Variants in NCKAP5 observed in about 807,000 individuals in gnomAD.
NCKAP5 encodes the protein nck-associated protein 5.
NCKAP5 carries 92 observed loss-of-function variants against 167.0 expected under a neutral mutation model. That is an observed-to-expected ratio of 0.55 (90% CI 0.47 to 0.66). NCKAP5 has a LOEUF of 0.66. Among genes scored for constraint, NCKAP5 ranks in the 30% least tolerant of loss-of-function variants. The probability of loss-of-function intolerance (pLI) is 0.00; values close to 1 mark genes in which losing one functional copy is unlikely to be tolerated. For missense variants in NCKAP5, 2,378 were observed against 2,315.0 expected (o/e 1.03, Z -0.56); for synonymous variants, 891 against 877.4 (o/e 1.02, Z -0.27).
intron 11 of NCKAP5, among the ~76,000 whole-genome samples, chr2:132,846,111 C>T (rs13016364): frequency 0.08 from 12,117 of 152,020 alleles, 944 homozygotes; most frequent in African/African-American, 0.19. Flanking sequence ...TCGGCTCTTG[C>T]GTGTTTTTCT....
intron 3 of NCKAP5, among the ~76,000 whole-genome samples, chr2:133,469,631 A>G (rs1692888494): frequency 6.6e-6 from 1 of 152,098 alleles, no homozygotes; most frequent in African/African-American, 2.4e-5. Context: ...CATTCTCCCC[A>G]TCACTTTCAG....
In NCKAP5 at chr2:133,557,148, G is replaced by T. The variant is rs1270143799; in HGVS notation, c.-62+1902C>A. ...TTTGGTGCTGATAATGCTCCTGGCC[G>T]ATAGCTTGTCTTTCCAAAACAAATA... On this transcript the variant is annotated intron_variant, in intron 2 of 19. Coordinates refer to ENST00000409261, the MANE Select transcript of NCKAP5 (RefSeq NM_207363.3). Among the ~76,000 whole-genome samples the T allele has an allele frequency of 2.0e-5, 3 of 152,140 alleles. No homozygotes were observed. In the South Asian group the frequency reaches 6.2e-4, roughly 32 times the overall value.
At chr2:132,852,538 GT>G (rs1468692930) in intron 11 of NCKAP5, among the ~76,000 whole-genome samples, 1 of 152,168 alleles carries the variant, frequency 6.6e-6, no homozygotes, top group East Asian at 1.9e-4. Context: ...ACTCCTGGAG[GT>G]TATTGTTTTC....
intron 10 of NCKAP5, among the ~76,000 whole-genome samples, chr2:132,863,115 C>G (rs566596261): frequency 1.3e-5 from 2 of 152,120 alleles, no homozygotes; most frequent in Non-Finnish European, 2.9e-5. Context: ...CCACCATGCC[C>G]GGCAAAACTT....
In NCKAP5 at chr2:132,849,052, C is replaced by T. The variant is rs565776510; in HGVS notation, c.807+11440G>A. ...AAAGGGTAAAAGGGCAGTTATGATG[C>T]AGATGATCATCGTGGATTAAATTTT... is the stretch of plus-strand genomic sequence containing the variant. On this transcript the variant is annotated intron_variant, in intron 11 of 19. Transcript: ENST00000409261. 1.9e-3 allele frequency among the ~76,000 whole-genome samples: 291 copies of T among 152,246 alleles called. 1 individual carries two copies. The highest frequency in any genetic ancestry group is 6.8e-3 in the African/African-American group (282 of 41,540).
intron 8 of NCKAP5, among the ~76,000 whole-genome samples, chr2:132,956,409 A>G (rs1352112796): frequency 6.6e-6 from 1 of 152,168 alleles, no homozygotes; most frequent in African/African-American, 2.4e-5. Context: ...TTGTAGACTT[A>G]AAAGAGCTGG....
At chr2:133,202,376 A>G (rs1430021268) in intron 5 of NCKAP5, among the ~76,000 whole-genome samples, 1 of 152,234 alleles carries the variant, frequency 6.6e-6, no homozygotes, top group Non-Finnish European at 1.5e-5. Flanking sequence ...CACCTTATAC[A>G]AAAATTAATT....
At chr2:133,010,402 T>G (rs2164834) in intron 6 of NCKAP5, among the ~76,000 whole-genome samples, 4,759 of 152,234 alleles carry the variant, frequency 0.031, 247 homozygotes, top group African/African-American at 0.11. Flanking sequence ...TTACATGCAC[T>G]TAAAGTTATG....
intron 8 of NCKAP5, among the ~76,000 whole-genome samples, chr2:132,881,171 TTTTA>T (rs1691718463): frequency 6.6e-6 from 1 of 152,096 alleles, no homozygotes; most frequent in Non-Finnish European, 1.5e-5. Flanking sequence ...ATACCTTGCC[TTTTA>T]TTTATTTATT....
chr2:133,231,469 C>T (rs959256636), intron 4 of NCKAP5, among the ~76,000 whole-genome samples: 4 of 152,144 alleles, frequency 2.6e-5, no homozygotes, highest in African/African-American at 9.7e-5. Flanking sequence ...TTTAACTACG[C>T]TCATGTGTGA....
At chr2:132,723,929 G>T (rs1690195272) in intron 19 of NCKAP5, among the ~76,000 whole-genome samples, 1 of 152,204 alleles carries the variant, frequency 6.6e-6, no homozygotes, top group African/African-American at 2.4e-5. Flanking sequence ...TCTCAGAGGA[G>T]TGGTTAGTCC....
chr2:133,441,121 C>G lies in NCKAP5; in HGVS notation c.69+76337G>C, dbSNP rs796136521. 3.7e-3 allele frequency among the ~76,000 whole-genome samples: 516 copies of G among 138,162 alleles called. 6 individuals are homozygous for G. The highest frequency in any genetic ancestry group is 0.012 in the African/African-American group (455 of 37,136). 90.6% of individuals were successfully genotyped at this position (138,162 alleles called of 152,430 possible). A position where few individuals can be genotyped will look rare whatever the true frequency, so the allele number is the denominator to read the frequency against. On this transcript the variant is annotated intron_variant, in intron 3 of 19. Transcript: ENST00000409261. ...ACACACACACACACACACACACACA[C>G]AGAGCAGCAGCAGCATTGTCTAGGT...
chr2:133,213,787 A>C lies in NCKAP5; in HGVS notation c.144-8T>G, dbSNP rs769846724. Reference sequence around the variant, plus strand: ...GCCACTGCCAACTTCTCCCTGAAGAAACAAAAACACATGATTAGTTGACCA... The same window carrying C: ...GCCACTGCCAACTTCTCCCTGAAGACACAAAAACACATGATTAGTTGACCA... On this transcript the variant is annotated splice_polypyrimidine_tract_variant and splice_region_variant and intron_variant, in intron 4 of 19. Coordinates refer to ENST00000409261, the MANE Select transcript of NCKAP5 (RefSeq NM_207363.3). The C allele has an allele frequency of 8.1e-6, 13 of 1,613,606 alleles. No individual in the cohort carries two copies. The highest frequency in any genetic ancestry group is 1.6e-4 in the Middle Eastern group (1 of 6,084).
At chr2:132,905,419 G>A (rs1693934432) in intron 8 of NCKAP5, among the ~76,000 whole-genome samples, 1 of 151,984 alleles carries the variant, frequency 6.6e-6, no homozygotes, top group South Asian at 2.1e-4. Flanking sequence ...CTCTCTTTTC[G>A]AAACATTTCT....
At chr2:133,570,097 G>T (rs1199164828), upstream of NCKAP5, among the ~76,000 whole-genome samples, 1 of 152,222 alleles carries the variant, frequency 6.6e-6, no homozygotes, top group African/African-American at 2.4e-5. Flanking sequence ...GATGTGGACA[G>T]AAGTAGGTTG....
At chr2:132,709,792 C>A (rs774579447) in intron 19 of NCKAP5, among the ~76,000 whole-genome samples, 2 of 152,024 alleles carry the variant, frequency 1.3e-5, no homozygotes, top group Non-Finnish European at 2.9e-5. Flanking sequence ...CTAACTTATA[C>A]AACTTATAAA....
intron 16 of NCKAP5, 45 bp downstream of exon 16, chr2:132,773,771 T>C (rs1682298813): frequency 2.1e-6 from 3 of 1,439,746 alleles, no homozygotes; most frequent in Non-Finnish European, 2.9e-6. Flanking sequence ...AGGATACATT[T>C]AGAATAAGTC....
intron 5 of NCKAP5, among the ~76,000 whole-genome samples, chr2:133,191,576 T>C (rs2085221953): frequency 6.6e-6 from 1 of 152,184 alleles, no homozygotes; most frequent in African/African-American, 2.4e-5. Context: ...CACCATGGAA[T>C]ACTATGCAGC....
At chr2:132,881,389 G>T (rs1024010366) in intron 8 of NCKAP5, among the ~76,000 whole-genome samples, 1 of 151,964 alleles carries the variant, frequency 6.6e-6, no homozygotes, top group African/African-American at 2.4e-5. Flanking sequence ...TGGCCAGGCT[G>T]GTCTTGAACT....
Sources: gnomAD v4.1 joint callset for allele counts (sites outside exome capture counted in the v4.1 genomes callset) on GRCh38, gnomAD v4.1.1 for gene constraint, MANE v1.5 for transcripts, NCBI Gene and HGNC (gene_info 2026-07-23, HGNC 2026-07-21) for gene names.